The following CLGN variants were observed in gnomAD, a reference collection of about 807,000 sequenced individuals.
CLGN encodes calmegin, also known as testis tissue sperm-binding protein Li 79P.
A neutral mutation model predicts 79.1 loss-of-function variants in CLGN; 62 were observed. That is an observed-to-expected ratio of 0.78 (90% CI 0.64 to 0.97). CLGN has a LOEUF of 0.97. CLGN is among the 50% of genes least tolerant of loss of function. The probability of loss-of-function intolerance (pLI) is 0.00; values close to 1 mark genes in which losing one functional copy is unlikely to be tolerated. For missense variants in CLGN, 647 were observed against 715.5 expected (o/e 0.90, Z 1.09); for synonymous variants, 225 against 224.7 (o/e 1.00, Z -0.01).
intron 4 of CLGN, among the ~76,000 whole-genome samples, chr4:140,408,778 A>G (rs1263198855): frequency 6.6e-6 from 1 of 151,494 alleles, no homozygotes; most frequent in African/African-American, 2.4e-5. Flanking sequence ...TAAAAAACTG[A>G]AAGTAGATCT....
intron 1 of CLGN, among the ~76,000 whole-genome samples, chr4:140,424,798 G>T (rs962625386): frequency 1.3e-5 from 2 of 152,098 alleles, no homozygotes; most frequent in Admixed American, 6.5e-5. Flanking sequence ...GCACCAACAC[G>T]TATCTTTGAT....
At chr4:140,418,121 A>G (rs1246293099) in intron 1 of CLGN, among the ~76,000 whole-genome samples, 1 of 151,254 alleles carries the variant, frequency 6.6e-6, no homozygotes, top group African/African-American at 2.4e-5. Flanking sequence ...CTATTTAATA[A>G]ATGGTGCTGG....
At chr4:140,400,860 G>A (rs530051100) in intron 6 of CLGN, among the ~76,000 whole-genome samples, 69 of 152,084 alleles carry the variant, frequency 4.5e-4, no homozygotes, top group African/African-American at 1.6e-3. Flanking sequence ...AGAGAATTAG[G>A]CATTAGAGGA....
chr4:140,411,773 C>A (rs937094438), intron 2 of CLGN, among the ~76,000 whole-genome samples: 1 of 152,072 alleles, frequency 6.6e-6, no homozygotes, highest in African/African-American at 2.4e-5. Context: ...TGAATTACAA[C>A]TTTACTCTTC....
At chr4:140,408,033 C>A (rs865846961) in intron 4 of CLGN, among the ~76,000 whole-genome samples, 34 of 151,986 alleles carry the variant, frequency 2.2e-4, no homozygotes, top group African/African-American at 7.2e-4. Flanking sequence ...AAAATACTTA[C>A]AACTAACTGA....
At chr4:140,405,164 A>ATTTTTTT (rs33924118) in intron 5 of CLGN, among the ~76,000 whole-genome samples, 16 of 85,308 alleles carry the variant, frequency 1.9e-4, no homozygotes, top group African/African-American at 4.1e-4. Flanking sequence ...ATAACAAGTA[A>ATTTTTTT]TTTTTTTTAT....
chr4:140,425,159 G>T (rs1482509880), intron 1 of CLGN, among the ~76,000 whole-genome samples: 1 of 152,128 alleles, frequency 6.6e-6, no homozygotes, highest in Non-Finnish European at 1.5e-5. Flanking sequence ...AATTTCCTTG[G>T]CACTAGATGT....
At chr4:140,409,925 T>C in intron 3 of CLGN, 30 bp from the exon 4 acceptor site, 1 of 1,480,488 alleles carries the variant, frequency 6.8e-7, no homozygotes, top group Non-Finnish European at 9.3e-7. Flanking sequence ...TACATATATG[T>C]CATTGACAAT....
In CLGN at chr4:140,418,646, C is replaced by A. The variant is rs1382098772; in HGVS notation, c.-9-5559G>T. Among the ~76,000 whole-genome samples, 12 of 151,570 alleles carry A rather than the reference C, an allele frequency of 7.9e-5. No homozygotes were observed. In the South Asian group the frequency reaches 2.5e-3, roughly 32 times the overall value. Reference sequence around the variant, plus strand: ...ATCAGAGAAATGCAAATCAAAACCACAATGAGATACCATCTTACACCAGTT... The same window carrying A: ...ATCAGAGAAATGCAAATCAAAACCAAAATGAGATACCATCTTACACCAGTT... On this transcript the variant is annotated intron_variant, in intron 1 of 14. Transcript: ENST00000325617.
chr4:140,391,406 A>G (rs764434119), intron 13 of CLGN, among the ~76,000 whole-genome samples: 2 of 151,874 alleles, frequency 1.3e-5, no homozygotes, highest in Non-Finnish European at 3.0e-5. Flanking sequence ...CTAAGCACTA[A>G]GAAGTTACAA....
At chr4:140,425,005 T>C (rs1560750525) in intron 1 of CLGN, among the ~76,000 whole-genome samples, 1 of 152,190 alleles carries the variant, frequency 6.6e-6, no homozygotes, top group African/African-American at 2.4e-5. Flanking sequence ...AATTACAAAT[T>C]ATAAAGTGCA....
At chr4:140,420,280 T>C (rs1302615895) in intron 1 of CLGN, among the ~76,000 whole-genome samples, 1 of 152,136 alleles carries the variant, frequency 6.6e-6, no homozygotes, top group Non-Finnish European at 1.5e-5. Flanking sequence ...TATATTATAG[T>C]TTTTCCTGAC....
chr4:140,396,192 G>A lies in CLGN; in HGVS notation c.898C>T (p.Pro300Ser). The A allele has an allele frequency of 4.3e-6, 7 of 1,613,800 alleles. No homozygotes were observed. The highest frequency in any genetic ancestry group is 5.9e-6 in the Non-Finnish European group (7 of 1,179,766). ...VKPEDWDESEPAQIEDSSVVK... is the reference protein window; with the variant it reads ...VKPEDWDESESAQIEDSSVVK... ...ACACTTGAATCTTCTATTTGGGCAG[G>A]TTCACTTTCATCCCTGTAAATACAA... The change falls in exon 9 of 15, where the codon CCT becomes TCT. Residue 300 changes from proline to serine, a missense_variant. By Grantham distance (74) the Pro-to-Ser change is moderately conservative. Transcript: ENST00000325617.
chr4:140,394,482 C>T (rs1728833205), intron 10 of CLGN, among the ~76,000 whole-genome samples: 1 of 152,218 alleles, frequency 6.6e-6, no homozygotes, highest in South Asian at 2.1e-4. Flanking sequence ...CTCGGCACAA[C>T]TACTCAACCT....
chr4:140,401,910 T>C lies in CLGN; in HGVS notation c.501+75A>G. ...TTCAATTTCAGTTGAAGACAAAATA[T>C]TCAGTTTTATCATTTGTTCCTTAAA... On this transcript the variant is annotated intron_variant, in intron 6 of 14. Transcript: ENST00000325617. The C allele has an allele frequency of 3.8e-6, 3 of 792,714 alleles. No individual in the cohort carries two copies. The South Asian group carries it at 5.3e-5, about 14-fold the overall frequency. The allele number at this position is 792,714 out of a possible 1,614,324, so 49.1% of individuals were successfully genotyped here.
chr4:140,404,999 C>A (rs917425154), intron 5 of CLGN, among the ~76,000 whole-genome samples: 2 of 151,914 alleles, frequency 1.3e-5, no homozygotes, highest in African/African-American at 4.8e-5. Flanking sequence ...AAAGGATTAT[C>A]TGTGAGAATG....
In CLGN at chr4:140,388,474, A is replaced by T. The variant is rs916956763; in HGVS notation, c.*750T>A. Reference sequence around the variant, plus strand: ...GGTATTCAGGATGAAAAAATATTTAAATTTTATTTTCAATAGCAATGTATG... The same window carrying T: ...GGTATTCAGGATGAAAAAATATTTATATTTTATTTTCAATAGCAATGTATG... On this transcript the variant is annotated 3_prime_UTR_variant, in exon 15 of 15. Coordinates refer to ENST00000325617, the MANE Select transcript of CLGN (RefSeq NM_004362.3). The T allele has an allele frequency of 1.3e-5, 2 of 151,928 alleles. No individual in the cohort carries two copies. Among genetic ancestry groups the T allele is most frequent in the Non-Finnish European group, 2.9e-5 (2 of 67,836 alleles). 9.4% of individuals were successfully genotyped at this position (151,928 alleles called of 1,614,324 possible). A position where few individuals can be genotyped will look rare whatever the true frequency, so the allele number is the denominator to read the frequency against.
At chr4:140,424,875 T>G (rs1729532925) in intron 1 of CLGN, among the ~76,000 whole-genome samples, 3 of 152,210 alleles carry the variant, frequency 2.0e-5, no homozygotes, top group African/African-American at 4.8e-5. Context: ...AGTAACTTTA[T>G]CCATGAATGA....
At chr4:140,427,217 G>C (rs1436857877) in intron 1 of CLGN, among the ~76,000 whole-genome samples, 2 of 152,198 alleles carry the variant, frequency 1.3e-5, no homozygotes, top group African/African-American at 2.4e-5. Flanking sequence ...GGCCGGGCTA[G>C]GCACCTAGCT....
Sources: allele counts gnomAD v4.1 joint callset (sites outside exome capture counted in the v4.1 genomes callset), GRCh38; gene constraint gnomAD v4.1.1; transcripts MANE v1.5; gene names NCBI Gene and HGNC (gene_info 2026-07-23, HGNC 2026-07-21).